The following RIN3 variants were observed in gnomAD, a reference collection of about 807,000 sequenced individuals.
The protein encoded by RIN3 is Ras and Rab interactor 3.
RIN3 carries 54 observed loss-of-function variants against 76.3 expected under a neutral mutation model. The ratio of observed to expected loss-of-function variants is 0.71; its 90% confidence interval spans 0.57 to 0.89. RIN3 has a LOEUF of 0.89. Among genes scored for constraint, RIN3 ranks in the 40% least tolerant of loss-of-function variants. The probability of loss-of-function intolerance (pLI) is 0.00; values close to 1 mark genes in which losing one functional copy is unlikely to be tolerated. For synonymous variants in RIN3, 576 were observed against 564.0 expected, an observed-to-expected ratio of 1.02 and a Z score of -0.30; for missense variants, 1,256 against 1,322.1, an observed-to-expected ratio of 0.95 and a Z score of 0.78.
chr14:92,578,010 G>A (rs1898308525), intron 3 of RIN3, among the ~76,000 whole-genome samples: 1 of 152,154 alleles, frequency 6.6e-6, no homozygotes, highest in Non-Finnish European at 1.5e-5. Flanking sequence ...AAGGCAGAGG[G>A]CAGAGGATTT....
At chr14:92,575,445 C>T (rs901314595) in intron 2 of RIN3, among the ~76,000 whole-genome samples, 8 of 152,178 alleles carry the variant, frequency 5.3e-5, no homozygotes, top group African/African-American at 1.9e-4. Flanking sequence ...AATGGGTGCT[C>T]TATCCTGGTA....
chr14:92,592,237 A>C (rs1282810617), intron 3 of RIN3, among the ~76,000 whole-genome samples: 1 of 151,926 alleles, frequency 6.6e-6, no homozygotes, highest in African/African-American at 2.4e-5. Flanking sequence ...CCACGTTTCT[A>C]CTAAAAATAC....
chr14:92,644,293 C>G (rs754384260), intron 5 of RIN3: 2 of 152,200 alleles, frequency 1.3e-5, no homozygotes, highest in African/African-American at 2.4e-5. Context: ...CATTGCTGCA[C>G]CTCTTGACCC....
Position 92,543,644 on chromosome 14 carries a change from T to A in RIN3, c.45-12107T>A, listed in dbSNP as rs796907343. Among the ~76,000 whole-genome samples, 422 of 82,740 alleles carry A rather than the reference T, an allele frequency of 5.1e-3. 2 individuals are homozygous for A. Among genetic ancestry groups the A allele is most frequent in the African/African-American group, 0.019 (385 of 20,138 alleles). 54.3% of individuals were successfully genotyped at this position (82,740 alleles called of 152,430 possible). A position where few individuals can be genotyped will look rare whatever the true frequency, so the allele number is the denominator to read the frequency against. On this transcript the variant is annotated intron_variant, in intron 1 of 9. Coordinates refer to ENST00000216487, the MANE Select transcript of RIN3 (RefSeq NM_024832.5). ...TTTTTTTTTTTTTTTTTTTTTTTTT[T>A]AAATCTTGGCTCACTGCAACCTCCG...
chr14:92,553,073 A>C (rs1897479299), intron 1 of RIN3, among the ~76,000 whole-genome samples: 1 of 149,998 alleles, frequency 6.7e-6, no homozygotes, highest in South Asian at 2.1e-4. Flanking sequence ...GGTCACACCT[A>C]GGGCCACCCA....
At chr14:92,609,001 ACT>A (rs1885626052) in intron 3 of RIN3, among the ~76,000 whole-genome samples, 1 of 151,810 alleles carries the variant, frequency 6.6e-6, no homozygotes, top group African/African-American at 2.4e-5. Flanking sequence ...AGCAGTGTAC[ACT>A]CTACTCAACA....
Position 92,563,234 on chromosome 14 carries a change from G to A in RIN3, c.249+7279G>A, listed in dbSNP as rs774816516. On this transcript the variant is annotated intron_variant, in intron 2 of 9. Coordinates refer to ENST00000216487, the MANE Select transcript of RIN3 (RefSeq NM_024832.5). ...AAAATAGCCAGGAGTAGTGGCAGGCGCCTGTAATCCCAGCTACTTGGGAGG... is the reference window on the plus strand; with the variant it reads ...AAAATAGCCAGGAGTAGTGGCAGGCACCTGTAATCCCAGCTACTTGGGAGG... 6.6e-5 allele frequency among the ~76,000 whole-genome samples: 10 copies of A among 151,968 alleles called. No individual in the cohort carries two copies. In the East Asian group the frequency reaches 1.2e-3, roughly 18 times the overall value.
rs138521417 is a variant in RIN3 at position 92,637,401 on chromosome 14, C to G, written c.441-3837C>G. On this transcript the variant is annotated intron_variant, in intron 4 of 9. Transcript: ENST00000216487. ...CAGGAGGCGGAGCTCAGGCTGTATG[C>G]GAGCGATGGGGAGCAGCTGTCAAGA... 3.9e-5 allele frequency among the ~76,000 whole-genome samples: 6 copies of G among 152,220 alleles called. No homozygotes were observed. In the East Asian group the frequency reaches 1.2e-3, roughly 29 times the overall value.
chr14:92,584,991 C>A (rs1884715495), intron 3 of RIN3, among the ~76,000 whole-genome samples: 1 of 152,112 alleles, frequency 6.6e-6, no homozygotes, highest in Admixed American at 6.5e-5. Context: ...CCTGCCTATT[C>A]CCCTGGCTTG....
At position 92,602,703 on chromosome 14, in the gene RIN3, C is replaced by T. The variant is rs151023114; in HGVS notation, c.368-12704C>T. ...CAGGAGGCTCGAATTTACGCAAAGC[C>T]CAGTGCTGGGAATTTGGGAGAAGGA... On this transcript the variant is annotated intron_variant, in intron 3 of 9. Transcript: ENST00000216487. 7.9e-5 allele frequency among the ~76,000 whole-genome samples: 12 copies of T among 152,194 alleles called. No individual in the cohort carries two copies. The East Asian group carries it at 2.3e-3, about 29-fold the overall frequency.
intron 3 of RIN3, 88 bp downstream of exon 3, chr14:92,577,565 G>A (rs1898289124): frequency 2.7e-6 from 2 of 745,330 alleles, no homozygotes; most frequent in Non-Finnish European, 2.4e-6. Flanking sequence ...AGACTCCCCT[G>A]TATGCACTGA....
At chr14:92,687,833 C>A in intron 9 of RIN3, 93 bp from the exon 10 acceptor site, 1 of 1,193,092 alleles carries the variant, frequency 8.4e-7, no homozygotes, top group East Asian at 3.0e-5. Flanking sequence ...GCGCCCGCCA[C>A]CCGCTATCCA....
At chr14:92,632,435 G>A (rs1886621428) in intron 4 of RIN3, among the ~76,000 whole-genome samples, 1 of 152,200 alleles carries the variant, frequency 6.6e-6, no homozygotes. Flanking sequence ...AGCCCCCAGG[G>A]CTGTGCTGAG....
At chr14:92,630,886 C>T (rs1246252130) in intron 4 of RIN3, among the ~76,000 whole-genome samples, 2 of 152,218 alleles carry the variant, frequency 1.3e-5, no homozygotes, top group African/African-American at 4.8e-5. Context: ...CTGACCTCTC[C>T]TGGCCCCCAG....
intron 2 of RIN3, among the ~76,000 whole-genome samples, chr14:92,575,264 G>A (rs765251778): frequency 1.4e-4 from 22 of 152,152 alleles, no homozygotes; most frequent in Non-Finnish European, 2.6e-4. Context: ...GGTCAGGACA[G>A]AGGGCTCCTC....
chr14:92,573,641 C>T (rs1181704144), intron 2 of RIN3, among the ~76,000 whole-genome samples: 1 of 152,044 alleles, frequency 6.6e-6, no homozygotes, highest in Non-Finnish European at 1.5e-5. Context: ...ATAAAAGACA[C>T]TCTCATCTCT....
At chr14:92,670,814 A>C (rs1007177839) in intron 7 of RIN3, among the ~76,000 whole-genome samples, 1 of 152,130 alleles carries the variant, frequency 6.6e-6, no homozygotes, top group African/African-American at 2.4e-5. Flanking sequence ...GTGGGCATCT[A>C]TCTCTTCCCA....
chr14:92,681,942 A>G lies in RIN3; in HGVS notation c.2468-3045A>G, dbSNP rs147195558. Among the ~76,000 whole-genome samples the G allele has an allele frequency of 0.012, 1,864 of 152,220 alleles. 31 individuals carry two copies. Among genetic ancestry groups the G allele is most frequent in the African/African-American group, 0.043 (1,785 of 41,520 alleles). ...CACTCTGTCACCCAGGCTGCAGTGC[A>G]GTGGCCTGATCTCAGCTCACTGCAA... On this transcript the variant is annotated intron_variant, in intron 8 of 9. Coordinates refer to ENST00000216487, the MANE Select transcript of RIN3 (RefSeq NM_024832.5). This position sits in a 1 kb window ranked among gnomAD's most constrained non-coding sequence, Gnocchi z 4.7.
chr14:92,672,254 A>T (rs1426487063), intron 7 of RIN3, among the ~76,000 whole-genome samples: 1 of 152,076 alleles, frequency 6.6e-6, no homozygotes, highest in Non-Finnish European at 1.5e-5. Context: ...AAAAAAAAAA[A>T]TACAAAAATT....
Sources: gnomAD v4.1 joint callset for allele counts (sites outside exome capture counted in the v4.1 genomes callset) on GRCh38, gnomAD v4.1.1 for gene constraint, Gnocchi (gnomAD v3.1) non-coding constraint, MANE v1.5 for transcripts, NCBI Gene and HGNC (gene_info 2026-07-23, HGNC 2026-07-21) for gene names.